The following MYT1L variants were observed in gnomAD, a reference collection of about 807,000 sequenced individuals.
The protein encoded by MYT1L is myelin transcription factor 1 like.
In MYT1L, 12 loss-of-function variants were observed where a neutral mutation model predicts 126.7. The ratio of observed to expected loss-of-function variants is 0.09; its 90% CI spans 0.06 to 0.15. The LOEUF (loss-of-function observed/expected upper bound fraction) is 0.15. Ranked by LOEUF, MYT1L falls within the 10% of genes least tolerant of loss-of-function variation. The pLI, the probability that MYT1L is intolerant of heterozygous loss-of-function variation, is 1.00. For missense variants in MYT1L, 979 were observed against 1,585.2 expected (o/e 0.62, Z 6.49); for synonymous variants, 541 against 604.2 (o/e 0.90, Z 1.53).
At chr2:2,017,566 G>C (rs2064554302) in intron 4 of MYT1L, among the ~76,000 whole-genome samples, 1 of 152,190 alleles carries the variant, frequency 6.6e-6, no homozygotes, top group Non-Finnish European at 1.5e-5. Flanking sequence ...CATACAGCCA[G>C]GGTCCAATAG....
chr2:2,284,049 C>T (rs532338850), intron 2 of MYT1L, among the ~76,000 whole-genome samples: 4 of 152,172 alleles, frequency 2.6e-5, no homozygotes, highest in Admixed American at 1.3e-4. Context: ...GAAAACACCA[C>T]GTAAGTATAA....
chr2:2,042,018 C>G (rs144388118), intron 4 of MYT1L, among the ~76,000 whole-genome samples: 1 of 152,108 alleles, frequency 6.6e-6, no homozygotes, highest in Non-Finnish European at 1.5e-5. Context: ...GTTTTCAAGA[C>G]GGTAGATAGC....
chr2:2,187,960 T>C (rs2092329304), intron 2 of MYT1L, among the ~76,000 whole-genome samples: 1 of 151,964 alleles, frequency 6.6e-6, no homozygotes, highest in African/African-American at 2.4e-5. Flanking sequence ...TATTCTCTTA[T>C]ATTAAATATA....
At chr2:1,956,765 C>T (rs2058517951) in intron 8 of MYT1L, among the ~76,000 whole-genome samples, 1 of 151,928 alleles carries the variant, frequency 6.6e-6, no homozygotes, top group Non-Finnish European at 1.5e-5. Context: ...ATAATATTTT[C>T]TTGTGACAGA....
chr2:2,075,525 A>T (rs1558932843), intron 3 of MYT1L, among the ~76,000 whole-genome samples: 2 of 152,212 alleles, frequency 1.3e-5, no homozygotes, highest in Non-Finnish European at 2.9e-5. Context: ...ACTGAGGTCT[A>T]TCACAATTTG....
chr2:1,927,138 G>A (rs1200465355), intron 9 of MYT1L, among the ~76,000 whole-genome samples: 4 of 152,182 alleles, frequency 2.6e-5, no homozygotes, highest in Admixed American at 1.3e-4. Context: ...CAGAGTTACC[G>A]CACTGGCACG....
intron 3 of MYT1L, among the ~76,000 whole-genome samples, chr2:2,094,794 G>A (rs921421296): frequency 5.7e-4 from 86 of 151,734 alleles, no homozygotes; most frequent in Non-Finnish European, 7.2e-4. Context: ...AGGGGGGAGC[G>A]ATAGCATTAG....
intron 1 of MYT1L, among the ~76,000 whole-genome samples, chr2:2,305,568 TTG>T (rs2095846866): frequency 2.0e-5 from 3 of 152,264 alleles, no homozygotes; most frequent in Admixed American, 6.5e-5. Flanking sequence ...AGCAAAAATC[TTG>T]TGTTAGTCCA....
chr2:2,310,624 A>G (rs964387993), intron 1 of MYT1L, among the ~76,000 whole-genome samples: 1 of 152,332 alleles, frequency 6.6e-6, no homozygotes, highest in Admixed American at 6.5e-5. Flanking sequence ...ATTTTAAACA[A>G]TATCTTTTAT....
At chr2:2,329,103 C>A (rs1040594340) in intron 1 of MYT1L, among the ~76,000 whole-genome samples, 5 of 152,232 alleles carry the variant, frequency 3.3e-5, no homozygotes, top group African/African-American at 1.2e-4. Context: ...CAATAGCTCA[C>A]TCCACCAGCC....
intron 18 of MYT1L, among the ~76,000 whole-genome samples, chr2:1,870,020 G>C (rs922495359): frequency 1.3e-5 from 2 of 152,120 alleles, no homozygotes; most frequent in African/African-American, 4.8e-5. Context: ...GAGCCATCAG[G>C]GTTGTCAGAC....
chr2:1,859,858 G>C (rs1665090675), intron 18 of MYT1L, among the ~76,000 whole-genome samples: 1 of 152,256 alleles, frequency 6.6e-6, no homozygotes, highest in Non-Finnish European at 1.5e-5. Context: ...GATGAGAGGG[G>C]CTCTGGGAAA....
At chr2:2,027,033 T>C (rs1383459322) in intron 4 of MYT1L, among the ~76,000 whole-genome samples, 1 of 151,984 alleles carries the variant, frequency 6.6e-6, no homozygotes, top group Non-Finnish European at 1.5e-5. Context: ...ATCGGATCGC[T>C]CCACCTGGAC....
chr2:2,121,745 A>G (rs541859608), intron 3 of MYT1L, among the ~76,000 whole-genome samples: 1 of 151,934 alleles, frequency 6.6e-6, no homozygotes, highest in East Asian at 1.9e-4. Context: ...TCGGCCTCCC[A>G]AAGTGCTAGG....
intron 4 of MYT1L, among the ~76,000 whole-genome samples, chr2:2,019,947 G>A (rs759286958): frequency 1.3e-5 from 2 of 152,004 alleles, no homozygotes; most frequent in African/African-American, 4.8e-5. Flanking sequence ...TGGGCTCAAG[G>A]GATCCTCCCA....
At chr2:1,822,167 A>C (rs1029147147) in intron 21 of MYT1L, among the ~76,000 whole-genome samples, 8 of 152,096 alleles carry the variant, frequency 5.3e-5, no homozygotes, top group African/African-American at 1.4e-4. Flanking sequence ...GGCCTGAGCC[A>C]TGTGTGCTTG....
chr2:1,907,132 A>T (rs1428017670), intron 13 of MYT1L, among the ~76,000 whole-genome samples: 3 of 127,704 alleles, frequency 2.3e-5, no homozygotes, highest in South Asian at 4.7e-4. Context: ...TTTTTTAATT[A>T]AAAAAAAAAA....
intron 3 of MYT1L, among the ~76,000 whole-genome samples, chr2:2,100,683 T>A (rs2077963333): frequency 1.3e-5 from 2 of 152,182 alleles, no homozygotes; most frequent in South Asian, 4.1e-4. Context: ...TTCAAAATCC[T>A]GGAAGAAAAA....
chr2:2,102,181 T>TA (rs951765646), intron 3 of MYT1L, among the ~76,000 whole-genome samples: 14 of 152,268 alleles, frequency 9.2e-5, no homozygotes, highest in South Asian at 4.1e-4. Flanking sequence ...AGCTTTTTTT[T>TA]ATGTAAGAAA....
Sources: gnomAD v4.1 joint callset for allele counts (sites outside exome capture counted in the v4.1 genomes callset) on GRCh38, gnomAD v4.1.1 for gene constraint, MANE v1.5 for transcripts, NCBI Gene and HGNC (gene_info 2026-07-23, HGNC 2026-07-21) for gene names.